Variants in LRRC4C observed in about 807,000 individuals in gnomAD.
LRRC4C encodes the protein leucine rich repeat containing 4C.
Under a neutral mutation model 33.6 loss-of-function variants are expected in LRRC4C, and 5 were observed. That is an observed-to-expected ratio of 0.15 (90% confidence interval 0.08 to 0.31). The LOEUF (loss-of-function observed/expected upper bound fraction) is 0.31, where lower values mean the gene tolerates loss of function less well. Ranked by LOEUF, LRRC4C falls within the 10% of genes least tolerant of loss-of-function variation. LRRC4C has a pLI of 1.00. For missense variants in LRRC4C, 560 were observed against 796.7 expected, an observed-to-expected ratio of 0.70 and a Z score of 3.58; for synonymous variants, 329 against 302.0, an observed-to-expected ratio of 1.09 and a Z score of -0.93.
Position 40,949,140 on chromosome 11 carries a change from G to A in LRRC4C, c.-495-15417C>T, listed in dbSNP as rs538672406. Among the ~76,000 whole-genome samples the A allele has an allele frequency of 1.0e-2, 1,517 of 152,062 alleles. 10 individuals are homozygous for A. The highest frequency in any genetic ancestry group is 0.024 in the Middle Eastern group (7 of 294). ...CCAGTGATGGTGAGCATTTTTTCACGTGTTTTTTGGCTGCATAAATGTCTT... is the reference window on the plus strand; with the variant it reads ...CCAGTGATGGTGAGCATTTTTTCACATGTTTTTTGGCTGCATAAATGTCTT... On this transcript the variant is annotated intron_variant, in intron 1 of 6. Coordinates refer to ENST00000528697, the MANE Select transcript of LRRC4C (RefSeq NM_001258419.2).
rs1191169954 is a variant in LRRC4C at position 41,088,838 on chromosome 11, T to C, written c.-495-155115A>G. 2.6e-5 allele frequency among the ~76,000 whole-genome samples: 4 copies of C among 152,008 alleles called. No homozygotes were observed. In the South Asian group the frequency reaches 6.2e-4, roughly 24 times the overall value. ...AAATGGAGATTACCTCCAATACTAA[T>C]GTACATTTATTTGAGGGCTTGACTT... On this transcript the variant is annotated intron_variant, in intron 1 of 6. Coordinates refer to ENST00000528697, the MANE Select transcript of LRRC4C (RefSeq NM_001258419.2).
In LRRC4C at chr11:40,626,522, G is replaced by A. The variant is rs77082700; in HGVS notation, c.-270+21620C>T. On this transcript the variant is annotated intron_variant, in intron 3 of 6. Coordinates refer to ENST00000528697, the MANE Select transcript of LRRC4C (RefSeq NM_001258419.2). Reference sequence around the variant, plus strand: ...TTTCAATAAACATTTACAAATGAATGGATGAACAAATGTCTCCTCTTTTAC... The same window carrying A: ...TTTCAATAAACATTTACAAATGAATAGATGAACAAATGTCTCCTCTTTTAC... Among the ~76,000 whole-genome samples the A allele has an allele frequency of 9.5e-3, 1,439 of 152,116 alleles. 27 individuals carry two copies. The highest frequency in any genetic ancestry group is 0.033 in the Admixed American group (506 of 15,272).
chr11:40,590,075 TC>T (rs1307436864), intron 3 of LRRC4C, among the ~76,000 whole-genome samples: 1 of 151,522 alleles, frequency 6.6e-6, no homozygotes, highest in Non-Finnish European at 1.5e-5. Context: ...CAGAGTGTTT[TC>T]CAACTTGGTT....
intron 5 of LRRC4C, among the ~76,000 whole-genome samples, chr11:40,146,846 G>T (rs759383457): frequency 2.0e-5 from 3 of 152,094 alleles, no homozygotes; most frequent in Non-Finnish European, 4.4e-5. Context: ...GCTCAACACT[G>T]GTATCTAGAT....
chr11:41,093,964 C>A (rs1464180909), intron 1 of LRRC4C, among the ~76,000 whole-genome samples: 1 of 145,734 alleles, frequency 6.9e-6, no homozygotes, highest in Non-Finnish European at 1.5e-5. Context: ...ACAAAAATAG[C>A]CAGGTGTAGT....
At chr11:41,041,527 C>CT (rs1857436574) in intron 1 of LRRC4C, among the ~76,000 whole-genome samples, 1 of 148,144 alleles carries the variant, frequency 6.8e-6, no homozygotes, top group African/African-American at 2.5e-5. Flanking sequence ...GCATAGTACT[C>CT]TAGATTTTAT....
At chr11:40,196,392 A>G (rs1392047732) in intron 5 of LRRC4C, among the ~76,000 whole-genome samples, 1 of 152,266 alleles carries the variant, frequency 6.6e-6, no homozygotes, top group Non-Finnish European at 1.5e-5. Flanking sequence ...GGACTAGGGA[A>G]GGAAGTAAAT....
chr11:40,770,107 C>T lies in LRRC4C; in HGVS notation c.-406-121829G>A, dbSNP rs145891481. Among the ~76,000 whole-genome samples, 672 of 152,240 alleles carry T rather than the reference C, an allele frequency of 4.4e-3. 1 individual carries two copies. The highest frequency in any genetic ancestry group is 7.3e-3 in the Non-Finnish European group (493 of 67,996). ...ACAGAAAGCATTTGCAAACTATCAA[C>T]ATTAGTCTGTTCTCATGCTGCTATA... On this transcript the variant is annotated intron_variant, in intron 2 of 6. Coordinates refer to ENST00000528697, the MANE Select transcript of LRRC4C (RefSeq NM_001258419.2).
chr11:40,647,232 A>T (rs1942523902), intron 3 of LRRC4C, among the ~76,000 whole-genome samples: 1 of 152,230 alleles, frequency 6.6e-6, no homozygotes, highest in Non-Finnish European at 1.5e-5. Flanking sequence ...CTTCATTTCC[A>T]GTCCACTTAC....
At chr11:41,086,745 C>A in intron 1 of LRRC4C, among the ~76,000 whole-genome samples, 1 of 152,040 alleles carries the variant, frequency 6.6e-6, no homozygotes, top group South Asian at 2.1e-4. Flanking sequence ...TGACTTCCAT[C>A]CCCTCCAAAA....
At chr11:41,003,106 G>A (rs1854499385) in intron 1 of LRRC4C, among the ~76,000 whole-genome samples, 1 of 152,054 alleles carries the variant, frequency 6.6e-6, no homozygotes, top group African/African-American at 2.4e-5. Context: ...TGATTATTTT[G>A]CCAATGAAGT....
In LRRC4C at chr11:40,195,048, G is replaced by A. The variant is rs527566507; in HGVS notation, c.-96+46471C>T. ...AGAGCTTGCAGTGAGCCAAGAGTGC[G>A]CCACTGCACTCCAGCCTGGGCGACA... On this transcript the variant is annotated intron_variant, in intron 5 of 6. Coordinates refer to ENST00000528697, the MANE Select transcript of LRRC4C (RefSeq NM_001258419.2). Among the ~76,000 whole-genome samples the A allele has an allele frequency of 2.6e-3, 401 of 151,568 alleles. 4 individuals carry two copies. Among genetic ancestry groups the A allele is most frequent in the African/African-American group, 9.2e-3 (382 of 41,332 alleles).
intron 1 of LRRC4C, among the ~76,000 whole-genome samples, chr11:41,335,866 T>G (rs1212905516): frequency 1.3e-5 from 2 of 152,188 alleles, no homozygotes; most frequent in African/African-American, 2.4e-5. Context: ...CACCACTAAA[T>G]TATCAGCCCT....
intron 1 of LRRC4C, among the ~76,000 whole-genome samples, chr11:41,246,873 GT>G (rs1210921646): frequency 6.6e-6 from 1 of 152,308 alleles, no homozygotes; most frequent in African/African-American, 2.4e-5. Context: ...ACTATTTTGT[GT>G]TTCATTCGGG....
At chr11:41,284,931 A>G (rs1333573805) in intron 1 of LRRC4C, among the ~76,000 whole-genome samples, 1 of 152,226 alleles carries the variant, frequency 6.6e-6, no homozygotes, top group East Asian at 1.9e-4. Flanking sequence ...TTCTGTCACA[A>G]TGAGTCCACG....
At chr11:41,248,127 C>G (rs770481163) in intron 1 of LRRC4C, among the ~76,000 whole-genome samples, 1 of 152,178 alleles carries the variant, frequency 6.6e-6, no homozygotes, top group Non-Finnish European at 1.5e-5. Context: ...AGCTTATCTT[C>G]TTTAACAAAT....
At position 40,556,231 on chromosome 11, in the gene LRRC4C, C is replaced by T. The variant is rs77206149; in HGVS notation, c.-270+91911G>A. Among the ~76,000 whole-genome samples the T allele has an allele frequency of 4.4e-3, 665 of 152,238 alleles. 41 individuals are homozygous for T. The East Asian group carries it at 0.12, about 27-fold the overall frequency. ...CTTTCGCATAAGTAGTATATTTTGCCTTTCTGACATGTATATCCTATAGGG... is the reference window on the plus strand; with the variant it reads ...CTTTCGCATAAGTAGTATATTTTGCTTTTCTGACATGTATATCCTATAGGG... On this transcript the variant is annotated intron_variant, in intron 3 of 6. Coordinates refer to ENST00000528697, the MANE Select transcript of LRRC4C (RefSeq NM_001258419.2).
chr11:40,369,934 G>A (rs574454011), intron 3 of LRRC4C, among the ~76,000 whole-genome samples: 2 of 152,296 alleles, frequency 1.3e-5, no homozygotes, highest in South Asian at 2.1e-4. Context: ...CAAGAAAAAA[G>A]TGGAAGATGT....
intron 2 of LRRC4C, among the ~76,000 whole-genome samples, chr11:40,839,432 G>C (rs1260851667): frequency 2.0e-5 from 3 of 152,072 alleles, no homozygotes; most frequent in African/African-American, 7.2e-5. Flanking sequence ...TTTTAGTAGA[G>C]ATGGGGTTTC....
Sources: gnomAD v4.1 joint callset for allele counts (sites outside exome capture counted in the v4.1 genomes callset) on GRCh38, gnomAD v4.1.1 for gene constraint, MANE v1.5 for transcripts, NCBI Gene and HGNC (gene_info 2026-07-23, HGNC 2026-07-21) for gene names.